PTPRG: variants seen among roughly 807,000 people sequenced by gnomAD.
The protein encoded by PTPRG is receptor-type tyrosine-protein phosphatase gamma.
Under a neutral mutation model 165.3 loss-of-function variants are expected in PTPRG, and 102 were observed. That is an observed-to-expected ratio of 0.62 (90% CI 0.53 to 0.73). The LOEUF is 0.73. Ranked by LOEUF, PTPRG falls within the 30% of genes least tolerant of loss-of-function variation. The pLI is 0.00. For synonymous variants in PTPRG, 675 were observed against 669.5 expected (o/e 1.01, Z -0.13); for missense variants, 1,866 against 1,861.4 (o/e 1.00, Z -0.05).
chr3:61,943,299 A>G (rs980637197), intron 2 of PTPRG, among the ~76,000 whole-genome samples: 1 of 152,216 alleles, frequency 6.6e-6, no homozygotes, highest in African/African-American at 2.4e-5. Flanking sequence ...ACAAAAATAC[A>G]TGTAATAGGC....
At position 62,271,262 on chromosome 3, in the gene PTPRG, C is replaced by G; in HGVS notation, c.3010-121C>G. ...TTGGCTACAAGGGGGAATAACCTAG[C>G]CTGGGAACAGTGATTAGGGTGAATG... On this transcript the variant is annotated intron_variant, in intron 20 of 29. Transcript: ENST00000474889. The surrounding 1 kb of genome is among the most constrained non-coding windows in gnomAD (Gnocchi z 4.1). The G allele has an allele frequency of 1.2e-6, 1 of 824,668 alleles. No individual in the cohort carries two copies. 51.1% of individuals were successfully genotyped at this position (824,668 alleles called of 1,614,324 possible). A position where few individuals can be genotyped will look rare whatever the true frequency, so the allele number is the denominator to read the frequency against.
intron 26 of PTPRG, among the ~76,000 whole-genome samples, chr3:62,280,263 T>C (rs1702383864): frequency 6.6e-6 from 1 of 152,032 alleles, no homozygotes; most frequent in African/African-American, 2.4e-5. Flanking sequence ...AGAGTGATTT[T>C]AGATAATTTA....
chr3:61,838,128 C>G (rs965399947), intron 2 of PTPRG, among the ~76,000 whole-genome samples: 3 of 152,178 alleles, frequency 2.0e-5, no homozygotes, highest in Non-Finnish European at 4.4e-5. Flanking sequence ...CCTGAGATTT[C>G]AGATGGTGAA....
intron 2 of PTPRG, among the ~76,000 whole-genome samples, chr3:61,809,004 G>GAT (rs2035497152): frequency 6.7e-6 from 1 of 149,242 alleles, no homozygotes; most frequent in Admixed American, 6.8e-5. Flanking sequence ...ACCTTGAGCA[G>GAT]ATGACTTAAC....
intron 2 of PTPRG, among the ~76,000 whole-genome samples, chr3:61,777,903 C>T (rs1311059181): frequency 1.3e-5 from 2 of 152,186 alleles, no homozygotes; most frequent in Non-Finnish European, 2.9e-5. Flanking sequence ...TTATTTGACT[C>T]TAAGCCCTGA....
intron 4 of PTPRG, among the ~76,000 whole-genome samples, chr3:62,075,777 C>G (rs968260314): frequency 6.6e-6 from 1 of 152,262 alleles, no homozygotes; most frequent in African/African-American, 2.4e-5. Flanking sequence ...ATCTCTAAAT[C>G]TCTCTGGGGT....
At chr3:61,766,530 GCT>G (rs2034020257) in intron 2 of PTPRG, among the ~76,000 whole-genome samples, 1 of 151,874 alleles carries the variant, frequency 6.6e-6, no homozygotes, top group South Asian at 2.1e-4. Flanking sequence ...TGGAATTTCA[GCT>G]CTCTTTAGTA....
At chr3:61,832,028 G>A (rs2036311147) in intron 2 of PTPRG, among the ~76,000 whole-genome samples, 1 of 151,980 alleles carries the variant, frequency 6.6e-6, no homozygotes, top group Non-Finnish European at 1.5e-5. Flanking sequence ...TTTATACATG[G>A]ATTTATACAT....
chr3:61,876,458 G>T (rs1360325906), intron 2 of PTPRG, among the ~76,000 whole-genome samples: 1 of 152,184 alleles, frequency 6.6e-6, no homozygotes, highest in African/African-American at 2.4e-5. Flanking sequence ...TTGTACTGTG[G>T]CTGTGGGCCA....
At chr3:61,643,633 A>T (rs1702123028) in intron 1 of PTPRG, among the ~76,000 whole-genome samples, 1 of 152,156 alleles carries the variant, frequency 6.6e-6, no homozygotes, top group African/African-American at 2.4e-5. Context: ...TACAAAAATT[A>T]GCTGGGAATG....
At chr3:61,904,927 T>G (rs1393419536) in intron 2 of PTPRG, among the ~76,000 whole-genome samples, 1 of 151,742 alleles carries the variant, frequency 6.6e-6, no homozygotes, top group Non-Finnish European at 1.5e-5. Context: ...TTTTTGATGC[T>G]CAAAAGTAAT....
At chr3:61,585,280 CAAAA>C (rs3039784) in intron 1 of PTPRG, among the ~76,000 whole-genome samples, 3 of 81,314 alleles carry the variant, frequency 3.7e-5, no homozygotes, top group Non-Finnish European at 5.8e-5. Flanking sequence ...GACCCTGTCT[CAAAA>C]AAAAAAAAAA....
intron 1 of PTPRG, among the ~76,000 whole-genome samples, chr3:61,674,696 CTTTGTAACTTT>C (rs1431447686): frequency 5.7e-4 from 86 of 152,142 alleles, no homozygotes; most frequent in African/African-American, 2.0e-3. Flanking sequence ...TGACCTTTCT[CTTTGTAACTTT>C]AACATCACCT....
intron 1 of PTPRG, among the ~76,000 whole-genome samples, chr3:61,567,588 C>T (rs1268310871): frequency 6.6e-6 from 1 of 150,720 alleles, no homozygotes; most frequent in Non-Finnish European, 1.5e-5. Context: ...ATTGCTTGAG[C>T]CCACGAGGTT....
At chr3:62,020,527 C>T (rs935300481) in intron 4 of PTPRG, among the ~76,000 whole-genome samples, 1 of 152,142 alleles carries the variant, frequency 6.6e-6, no homozygotes, top group Non-Finnish European at 1.5e-5. Flanking sequence ...GTGTGTTTCT[C>T]TTGCAAACAA....
chr3:61,785,898 G>T (rs2034682954), intron 2 of PTPRG, among the ~76,000 whole-genome samples: 1 of 152,022 alleles, frequency 6.6e-6, no homozygotes, highest in South Asian at 2.1e-4. Flanking sequence ...AGGGAAGTAG[G>T]GCCACTTCTC....
chr3:61,884,575 T>A (rs1296361921), intron 2 of PTPRG, among the ~76,000 whole-genome samples: 2 of 152,228 alleles, frequency 1.3e-5, no homozygotes, highest in African/African-American at 4.8e-5. Flanking sequence ...AAGGTTTTGC[T>A]TGTTTTCGTA....
chr3:62,245,797 A>G lies in PTPRG; in HGVS notation c.2467+1899A>G, dbSNP rs1051293494. On this transcript the variant is annotated intron_variant, in intron 15 of 29. Coordinates refer to ENST00000474889, the MANE Select transcript of PTPRG (RefSeq NM_002841.4). The surrounding 1 kb of genome is among the most constrained non-coding windows in gnomAD (Gnocchi z 4.2). ...GTAATCCCAGCAGTCATGGAGAGAG[A>G]GCATTTGCATGACTCTCATGTTAAA... 1.3e-5 allele frequency among the ~76,000 whole-genome samples: 2 copies of G among 152,076 alleles called. No individual in the cohort carries two copies. Among genetic ancestry groups the G allele is most frequent in the Non-Finnish European group, 2.9e-5 (2 of 67,990 alleles).
chr3:62,064,095 T>A (rs1700915870), intron 4 of PTPRG, among the ~76,000 whole-genome samples: 1 of 151,512 alleles, frequency 6.6e-6, no homozygotes, highest in South Asian at 2.1e-4. Context: ...TTTTGTTCTT[T>A]TTTGGTTTTT....
Sources: gnomAD v4.1 joint callset for allele counts (sites outside exome capture counted in the v4.1 genomes callset) on GRCh38, gnomAD v4.1.1 for gene constraint, Gnocchi (gnomAD v3.1) non-coding constraint, MANE v1.5 for transcripts, NCBI Gene and HGNC (gene_info 2026-07-23, HGNC 2026-07-21) for gene names.